Variants in ACACA observed in about 807,000 individuals in gnomAD.
ACACA encodes acetyl-CoA carboxylase 1.
In ACACA, 103 loss-of-function variants were observed where a neutral mutation model predicts 296.1. The observed-to-expected ratio is 0.35, with a 90% CI of 0.30 to 0.41. ACACA has a LOEUF of 0.41. Ranked by LOEUF, ACACA falls within the 10% of genes least tolerant of loss-of-function variation. The probability of loss-of-function intolerance (pLI) is 1.00; values close to 1 mark genes in which losing one functional copy is unlikely to be tolerated. For synonymous variants in ACACA, 953 were observed against 1,038.6 expected, an observed-to-expected ratio of 0.92 and a Z score of 1.58; for missense variants, 1,554 against 2,989.7, an observed-to-expected ratio of 0.52 and a Z score of 11.20.
chr17:37,339,348 A>G (rs2048282023), intron 2 of ACACA, among the ~76,000 whole-genome samples: 1 of 152,234 alleles, frequency 6.6e-6, no homozygotes, highest in Non-Finnish European at 1.5e-5. Flanking sequence ...TCCTGGGCTA[A>G]TAAGTGAGAG....
At chr17:37,087,531 C>T (rs1391777749) in intron 55 of ACACA, 92 bp from the exon 56 acceptor site, 3 of 1,452,360 alleles carry the variant, frequency 2.1e-6, no homozygotes, top group African/African-American at 1.4e-5. Flanking sequence ...CATGTGTGCA[C>T]CGTCCACTGC....
chr17:37,392,831 T>C (rs1299687384), intron 1 of ACACA: 6 of 152,090 alleles, frequency 3.9e-5, no homozygotes, highest in African/African-American at 1.4e-4. Flanking sequence ...AATGAGGATA[T>C]GTTTCAAAGA....
chr17:37,288,662 G>A (rs1274461974), intron 3 of ACACA, among the ~76,000 whole-genome samples: 2 of 152,088 alleles, frequency 1.3e-5, no homozygotes, highest in Non-Finnish European at 2.9e-5. Flanking sequence ...CTCTGGGAGG[G>A]CAAGGCAGAA....
At chr17:37,282,789 A>C (rs998503480) in intron 5 of ACACA, among the ~76,000 whole-genome samples, 2 of 152,230 alleles carry the variant, frequency 1.3e-5, no homozygotes, top group Admixed American at 6.5e-5. Flanking sequence ...GAACCATCTG[A>C]GTAAAAAGAA....
At chr17:37,228,412 T>C (rs2079659319) in intron 25 of ACACA, among the ~76,000 whole-genome samples, 1 of 151,934 alleles carries the variant, frequency 6.6e-6, no homozygotes, top group Admixed American at 6.6e-5. Flanking sequence ...GCTATTAAAG[T>C]GAAGATAAAC....
intron 45 of ACACA, chr17:37,141,067 C>T (rs1385214558): frequency 2.3e-6 from 1 of 428,894 alleles, no homozygotes; most frequent in African/African-American, 2.0e-5. Context: ...AACACCCAGA[C>T]CAACATGGCC....
chr17:37,174,091 C>A (rs1287652876), intron 41 of ACACA, among the ~76,000 whole-genome samples: 1 of 130,384 alleles, frequency 7.7e-6, no homozygotes. Context: ...AAACTCCTGG[C>A]GTCAAGTGAT....
intron 1 of ACACA, among the ~76,000 whole-genome samples, chr17:37,357,186 T>C (rs1315126581): frequency 6.6e-6 from 1 of 152,200 alleles, no homozygotes; most frequent in Non-Finnish European, 1.5e-5. Flanking sequence ...ATTTCTATTA[T>C]GCACTGGTAA....
intron 1 of ACACA, among the ~76,000 whole-genome samples, chr17:37,357,953 AAG>A (rs1200571092): frequency 6.6e-6 from 1 of 152,190 alleles, no homozygotes; most frequent in Non-Finnish European, 1.5e-5. Flanking sequence ...AATGAATGGA[AAG>A]AGAGAGAAAA....
chr17:37,104,771 GTC>G (rs1024139021), intron 52 of ACACA, among the ~76,000 whole-genome samples: 11 of 152,036 alleles, frequency 7.2e-5, no homozygotes, highest in Non-Finnish European at 5.9e-5. Context: ...GGGAAATTCT[GTC>G]TCTACAAATA....
intron 1 of ACACA, among the ~76,000 whole-genome samples, chr17:37,405,011 T>A (rs886139309): frequency 3.3e-5 from 5 of 152,206 alleles, no homozygotes; most frequent in Non-Finnish European, 5.9e-5. Flanking sequence ...TTCTCTCATT[T>A]GCTGTGCTCC....
intron 1 of ACACA, among the ~76,000 whole-genome samples, chr17:37,385,297 C>G (rs1409792157): frequency 6.6e-6 from 1 of 152,072 alleles, no homozygotes; most frequent in Non-Finnish European, 1.5e-5. Context: ...CATGGTGAAA[C>G]CCCATCTCTA....
intron 11 of ACACA, among the ~76,000 whole-genome samples, chr17:37,260,296 ATTTTTTTTTTTTT>A (rs1165828702): frequency 5.3e-5 from 1 of 18,978 alleles, no homozygotes; most frequent in African/African-American, 2.0e-4. Context: ...ATATATATAT[ATTTTTTTTTTTTT>A]TTTTTTTGGA....
chr17:37,302,340 G>A (rs559164623), intron 3 of ACACA, among the ~76,000 whole-genome samples: 2 of 152,182 alleles, frequency 1.3e-5, no homozygotes, highest in East Asian at 1.9e-4. Flanking sequence ...CTCCCGAGTA[G>A]CTGGGATTAC....
intron 31 of ACACA, 55 bp from the exon 32 acceptor site, chr17:37,206,934 C>T: frequency 2.1e-6 from 3 of 1,406,660 alleles, no homozygotes; most frequent in Non-Finnish European, 3.0e-6. Context: ...ATGAAACTAA[C>T]ACTGCCATTG....
intron 41 of ACACA, among the ~76,000 whole-genome samples, chr17:37,164,892 T>A (rs2076603411): frequency 6.6e-6 from 1 of 152,200 alleles, no homozygotes; most frequent in Non-Finnish European, 1.5e-5. Context: ...TGTGTGCTAA[T>A]GTAAACATTG....
rs911585229 is a variant in ACACA at position 37,406,429 on chromosome 17, C to G, written c.-130G>C. The G allele has an allele frequency of 9.4e-7, 1 of 1,062,102 alleles. No individual in the cohort carries two copies. Among genetic ancestry groups the G allele is most frequent in the South Asian group, 1.3e-5 (1 of 79,596 alleles). 65.8% of individuals were successfully genotyped at this position (1,062,102 alleles called of 1,614,324 possible). A position where few individuals can be genotyped will look rare whatever the true frequency, so the allele number is the denominator to read the frequency against. The stretch of plus-strand genomic sequence containing the variant: ...ACCCTCTTCACCCCTTAAAATCAGT[C>G]TGGTTCATCCACGAGCAGCCCTTCG... On this transcript the variant is annotated 5_prime_UTR_variant, in exon 1 of 56. Coordinates refer to ENST00000616317, the MANE Select transcript of ACACA (RefSeq NM_198834.3).
chr17:37,137,586 C>T (rs12450937), intron 45 of ACACA, among the ~76,000 whole-genome samples: 77,481 of 151,962 alleles, frequency 0.51, 21,661 homozygotes, highest in East Asian at 0.75. Context: ...AAACCTCAAC[C>T]GATTAGTATG....
At chr17:37,384,442 T>C (rs1016175254) in intron 1 of ACACA, among the ~76,000 whole-genome samples, 1 of 152,128 alleles carries the variant, frequency 6.6e-6, no homozygotes, top group Admixed American at 6.5e-5. Flanking sequence ...AATCATAATA[T>C]CATTCAGTTT....
Sources: allele counts gnomAD v4.1 joint callset (sites outside exome capture counted in the v4.1 genomes callset), GRCh38; gene constraint gnomAD v4.1.1; transcripts MANE v1.5; gene names NCBI Gene and HGNC (gene_info 2026-07-23, HGNC 2026-07-21).